BUB1: variants seen among roughly 807,000 people sequenced by gnomAD.
BUB1 encodes mitotic checkpoint serine/threonine-protein kinase BUB1.
A neutral mutation model predicts 135.2 loss-of-function variants in BUB1; 84 were observed. That is an observed-to-expected ratio of 0.62 (90% CI 0.52 to 0.74). The LOEUF (loss-of-function observed/expected upper bound fraction) is 0.74, where lower values mean the gene tolerates loss of function less well. BUB1 is among the 30% of genes least tolerant of loss of function. The pLI is 0.00. For missense variants in BUB1, 1,162 were observed against 1,288.3 expected (o/e 0.90, Z 1.50); for synonymous variants, 403 against 434.4 (o/e 0.93, Z 0.90).
At chr2:110,659,889 A>G in intron 11 of BUB1, 89 bp downstream of exon 11, 2 of 1,079,392 alleles carry the variant, frequency 1.9e-6, no homozygotes, top group Non-Finnish European at 2.8e-6. Context: ...TTAAGGCCTG[A>G]AGCCTTCATA....
chr2:110,677,828 C>G lies in BUB1; in HGVS notation c.26+142G>C, dbSNP rs1351800518. The G allele has an allele frequency of 3.0e-6, 3 of 998,382 alleles. No homozygotes were observed. In the African/African-American group the frequency reaches 5.0e-5, roughly 17 times the overall value. The allele number at this position is 998,382 out of a possible 1,614,324, so 61.8% of individuals were successfully genotyped here. On this transcript the variant is annotated intron_variant, in intron 1 of 24. Transcript: ENST00000302759. The stretch of plus-strand genomic sequence containing the variant: ...AGCCCTCCCCGGCTCTCAAGCAGCC[C>G]ACGGCCTTGCTGGGTGGGACACATT...
At chr2:110,668,800 T>A (rs532361328) in intron 6 of BUB1, among the ~76,000 whole-genome samples, 1 of 152,184 alleles carries the variant, frequency 6.6e-6, no homozygotes, top group Non-Finnish European at 1.5e-5. Flanking sequence ...AGAAAACTGA[T>A]AGATGTCACT....
Position 110,657,619 on chromosome 2 carries a change from C to T in BUB1, c.1543G>A (p.Gly515Arg), listed in dbSNP as rs1381748566. 1 of 1,599,498 alleles carries T rather than the reference C, an allele frequency of 6.3e-7. No homozygotes were observed. Among genetic ancestry groups the T allele is most frequent in the Admixed American group, 1.7e-5 (1 of 58,574 alleles). ...QKNVRSSGAW[G>R]VNKIISSLSS... ...AAAGAAGAGATGATCTTATTGACTC[C>T]CCAAGCCCCAGATGACCTTACATTT... Residue 515 changes from glycine (G) to arginine (R), a missense_variant, in exon 14 of 25, where the codon GGA becomes AGA. Coordinates refer to ENST00000302759, the MANE Select transcript of BUB1 (RefSeq NM_004336.5).
chr2:110,660,022 C>A lies in BUB1; in HGVS notation c.1232G>T (p.Ser411Ile), dbSNP rs1285251264. ...ASKDAGCVNK[S>I]THEFKPQSGA... ...ACTCTGTGGCTTGAATTCATGAGTA[C>A]TCTTATTCACACATCTGGAAGAGAA... Residue 411 changes from serine (S) to isoleucine (I), a missense_variant, in exon 11 of 25, where the codon AGT (serine) becomes ATT (isoleucine). Coordinates refer to ENST00000302759, the MANE Select transcript of BUB1 (RefSeq NM_004336.5). The A allele has an allele frequency of 1.2e-6, 2 of 1,611,204 alleles. No individual in the cohort carries two copies. Among genetic ancestry groups the A allele is most frequent in the African/African-American group, 2.7e-5 (2 of 74,856 alleles).
At chr2:110,657,450 G>A (rs1024639623) in intron 14 of BUB1, 96 bp downstream of exon 14, 1 of 853,448 alleles carries the variant, frequency 1.2e-6, no homozygotes, top group South Asian at 2.4e-5. Flanking sequence ...ATTTGACCAT[G>A]TGATTGGCAG....
At chr2:110,669,581 G>A in intron 5 of BUB1, 28 bp from the exon 6 acceptor site, 1 of 1,418,668 alleles carries the variant, frequency 7.0e-7, no homozygotes, top group Non-Finnish European at 9.9e-7. Flanking sequence ...ATAAAATACG[G>A]AGAAATTAAG....
chr2:110,666,969 T>A (rs1027994144), intron 8 of BUB1, among the ~76,000 whole-genome samples: 7 of 152,136 alleles, frequency 4.6e-5, no homozygotes, highest in African/African-American at 1.7e-4. Flanking sequence ...CAGCACAAAA[T>A]GAGTCCTCTG....
chr2:110,662,274 A>G (rs978407417), intron 9 of BUB1, among the ~76,000 whole-genome samples: 3 of 152,210 alleles, frequency 2.0e-5, no homozygotes, highest in African/African-American at 7.2e-5. Flanking sequence ...TAAATAAATA[A>G]AATACTTTTC....
rs769357627 is a variant in BUB1 at position 110,660,024 on chromosome 2, C to G, written c.1230G>C (p.Lys410Asn). ...VASKDAGCVN[K>N]STHEFKPQSG... is the part of the protein sequence containing the mutation. ...TCTGTGGCTTGAATTCATGAGTACT[C>G]TTATTCACACATCTGGAAGAGAAAA... The change falls in exon 11 of 25, where the codon AAG becomes AAC. Residue 410 changes from lysine (K) to asparagine (N), a missense_variant. Physicochemically the swap from Lys to Asn is moderately conservative, Grantham distance 94 (BLOSUM62 0). Transcript: ENST00000302759. 38 of 1,611,264 alleles carry G rather than the reference C, an allele frequency of 2.4e-5. No homozygotes were observed. Among genetic ancestry groups the G allele is most frequent in the Non-Finnish European group, 3.1e-5 (37 of 1,177,862 alleles).
chr2:110,639,610 C>T, intron 24 of BUB1, 132 bp downstream of exon 24: 1 of 716,258 alleles, frequency 1.4e-6, no homozygotes, highest in Non-Finnish European at 2.4e-6. Context: ...CAGGACTGTC[C>T]TGTCACCATA....
In BUB1 at chr2:110,641,020, C is replaced by T. The variant is rs761736477; in HGVS notation, c.2955+14G>A. The T allele has an allele frequency of 3.2e-6, 5 of 1,540,078 alleles. No homozygotes were observed. The highest frequency in any genetic ancestry group is 2.1e-5 in the Admixed American group (1 of 46,778). On this transcript the variant is annotated intron_variant, in intron 23 of 24. Coordinates refer to ENST00000302759, the MANE Select transcript of BUB1 (RefSeq NM_004336.5). ...CAGAAAAATATTTCCAAGTCCCTCA[C>T]TTTAGTTTTATACCTGGTAGTTCCA...
Position 110,639,769 on chromosome 2 carries a change from T to G in BUB1, c.3035A>C (p.Glu1012Ala), listed in dbSNP as rs369159867. The G allele has an allele frequency of 2.0e-5, 33 of 1,613,612 alleles. No homozygotes were observed. The highest frequency in any genetic ancestry group is 2.7e-5 in the African/African-American group (2 of 74,818). The change falls in exon 24 of 25, where the codon GAG (glutamate) becomes GCG (alanine). Residue 1012 changes from glutamate to alanine, a missense_variant. Transcript: ENST00000302759. Reference sequence around the variant, plus strand: ...TCTAAAAAGACCTTCAGGCTTACACTCTCCTCCTTCATTTTTCACTTTCAT... The same window carrying G: ...TCTAAAAAGACCTTCAGGCTTACACGCTCCTCCTTCATTTTTCACTTTCAT... ...TYMKVKNEGG[E>A]CKPEGLFRRL...
intron 3 of BUB1, among the ~76,000 whole-genome samples, 163 bp from the exon 4 acceptor site, chr2:110,673,020 C>T (rs1291027371): frequency 6.6e-6 from 1 of 152,242 alleles, no homozygotes; most frequent in African/African-American, 2.4e-5. Flanking sequence ...TTCAGCCCCA[C>T]TGCTGAACCT....
At position 110,660,001 on chromosome 2, in the gene BUB1, T is replaced by C; in HGVS notation, c.1253A>G (p.Gln418Arg). 2 of 1,611,826 alleles carry C rather than the reference T, an allele frequency of 1.2e-6. No individual in the cohort carries two copies. The highest frequency in any genetic ancestry group is 1.7e-6 in the Non-Finnish European group (2 of 1,178,092). Residue 418 changes from glutamine (Q) to arginine (R), a missense_variant, in exon 11 of 25, where the codon CAG (glutamine) becomes CGG (arginine). Physicochemically the swap from Gln to Arg is conservative, Grantham distance 43. Coordinates refer to ENST00000302759, the MANE Select transcript of BUB1 (RefSeq NM_004336.5). The part of the protein sequence containing the change: ...VNKSTHEFKP[Q>R]SGAEIKEGCE... ...ACCTTCTTTGATCTCTGCTCCACTC[T>C]GTGGCTTGAATTCATGAGTACTCTT... is the stretch of plus-strand genomic sequence containing the variant.
intron 19 of BUB1, chr2:110,642,717 A>G (rs1689537611): frequency 6.5e-6 from 1 of 152,694 alleles, no homozygotes; most frequent in African/African-American, 2.4e-5. Context: ...CTTTAGAGAC[A>G]GGGTCTTGCT....
At chr2:110,673,749 C>T (rs1028921679) in intron 3 of BUB1, among the ~76,000 whole-genome samples, 1 of 152,104 alleles carries the variant, frequency 6.6e-6, no homozygotes, top group Admixed American at 6.5e-5. Context: ...CAGGTGCCTG[C>T]CACCATGCCC....
chr2:110,644,828 TGAA>T, intron 19 of BUB1, among the ~76,000 whole-genome samples: 1 of 152,098 alleles, frequency 6.6e-6, no homozygotes, highest in Non-Finnish European at 1.5e-5. Context: ...CCTTCAAATG[TGAA>T]GAATAAAAAT....
At chr2:110,649,062 ATCC>A (rs1689714560) in intron 19 of BUB1, 169 bp downstream of exon 19, 1 of 549,182 alleles carries the variant, frequency 1.8e-6, no homozygotes, top group South Asian at 5.4e-5. Flanking sequence ...AGCAAGCACA[ATCC>A]TACAATCATG....
chr2:110,668,412 A>C (rs1690325069), intron 6 of BUB1, among the ~76,000 whole-genome samples: 1 of 152,178 alleles, frequency 6.6e-6, no homozygotes, highest in African/African-American at 2.4e-5. Flanking sequence ...CATGTGTAGG[A>C]CGTAAAATGT....
Sources: gnomAD v4.1 joint callset for allele counts (sites outside exome capture counted in the v4.1 genomes callset) on GRCh38, gnomAD v4.1.1 for gene constraint, MANE v1.5 for transcripts, NCBI Gene and HGNC (gene_info 2026-07-23, HGNC 2026-07-21) for gene names.